Variants in RCAN2 observed in about 807,000 individuals in gnomAD.
RCAN2 encodes calcipressin-2.
In RCAN2, 9 loss-of-function variants were observed where a neutral mutation model predicts 23.6. That is an observed-to-expected ratio of 0.38 (90% CI 0.23 to 0.67). The LOEUF (loss-of-function observed/expected upper bound fraction) is 0.67. RCAN2 is among the 30% of genes least tolerant of loss of function. The pLI is 0.51. For missense variants in RCAN2, 273 were observed against 302.3 expected, an observed-to-expected ratio of 0.90 and a Z score of 0.72; for synonymous variants, 109 against 115.7, an observed-to-expected ratio of 0.94 and a Z score of 0.37.
At chr6:46,358,781 A>G (rs1434786332) in intron 2 of RCAN2, among the ~76,000 whole-genome samples, 1 of 152,084 alleles carries the variant, frequency 6.6e-6, no homozygotes, top group Non-Finnish European at 1.5e-5. Context: ...GTACTTTAGA[A>G]TCACCTGGGA....
intron 2 of RCAN2, among the ~76,000 whole-genome samples, chr6:46,448,552 T>C (rs1561910171): frequency 6.6e-6 from 1 of 151,900 alleles, no homozygotes; most frequent in East Asian, 1.9e-4. Flanking sequence ...CCAATATCCC[T>C]AATGAACACA....
In RCAN2 at chr6:46,221,662, A is replaced by C; in HGVS notation, c.*1479T>G. On this transcript the variant is annotated 3_prime_UTR_variant, in exon 5 of 5. Coordinates refer to ENST00000371374, the MANE Select transcript of RCAN2 (RefSeq NM_001251974.2). ...TAAGTTTCTGATGAAACTAACATAC[A>C]CCTTAGTCAAAAACCACAACAATCC... 2.9e-6 allele frequency: 1 copy of C among 349,248 alleles called. No homozygotes were observed. The highest frequency in any genetic ancestry group is 5.1e-6 in the Non-Finnish European group (1 of 194,954). 21.6% of individuals were successfully genotyped at this position (349,248 alleles called of 1,614,324 possible). A position where few individuals can be genotyped will look rare whatever the true frequency, so the allele number is the denominator to read the frequency against.
chr6:46,222,943 G>T lies in RCAN2; in HGVS notation c.*198C>A, dbSNP rs2150300892. 1.7e-6 allele frequency: 1 copy of T among 596,096 alleles called. No individual in the cohort carries two copies. The highest frequency in any genetic ancestry group is 2.9e-5 in the East Asian group (1 of 34,728). The allele number at this position is 596,096 out of a possible 1,614,324, so 36.9% of individuals were successfully genotyped here. A position where few individuals can be genotyped will look rare whatever the true frequency, so the allele number is the denominator to read the frequency against. Reference sequence around the variant, plus strand: ...TTTCCCTAGAACCTTCTAAATAATGGGTTATACTTAATGGGTATGATATGA... The same window carrying T: ...TTTCCCTAGAACCTTCTAAATAATGTGTTATACTTAATGGGTATGATATGA... On this transcript the variant is annotated 3_prime_UTR_variant, in exon 5 of 5. Coordinates refer to ENST00000371374, the MANE Select transcript of RCAN2 (RefSeq NM_001251974.2).
intron 2 of RCAN2, among the ~76,000 whole-genome samples, chr6:46,400,913 T>C (rs777352785): frequency 6.6e-6 from 1 of 152,186 alleles, no homozygotes; most frequent in Non-Finnish European, 1.5e-5. Flanking sequence ...GAGAAACACC[T>C]GGGATAGTTG....
At chr6:46,344,393 A>G (rs565454212) in intron 2 of RCAN2, among the ~76,000 whole-genome samples, 1 of 152,278 alleles carries the variant, frequency 6.6e-6, no homozygotes, top group African/African-American at 2.4e-5. Context: ...TTGGTAAGGA[A>G]GGGAAGAAGA....
At position 46,360,512 on chromosome 6, in the gene RCAN2, C is replaced by T. The variant is rs1202257169; in HGVS notation, c.225+96240G>A. 1.5e-4 allele frequency among the ~76,000 whole-genome samples: 17 copies of T among 114,184 alleles called. 1 individual carries two copies. The South Asian group carries it at 2.7e-3, about 18-fold the overall frequency. The allele number at this position is 114,184 out of a possible 152,430, so 74.9% of individuals were successfully genotyped here. ...TCGTGCCACTACACTCCAGCCTGGG[C>T]GACAGAGCAAGACTCCGTCTCAAAA... On this transcript the variant is annotated intron_variant, in intron 2 of 4. Coordinates refer to ENST00000371374, the MANE Select transcript of RCAN2 (RefSeq NM_001251974.2).
At chr6:46,404,754 C>T (rs1766349839) in intron 2 of RCAN2, among the ~76,000 whole-genome samples, 1 of 152,110 alleles carries the variant, frequency 6.6e-6, no homozygotes. Context: ...AGGTCAGAGT[C>T]CAGGAAATCT....
intron 2 of RCAN2, among the ~76,000 whole-genome samples, chr6:46,395,289 C>G (rs1481018235): frequency 6.6e-6 from 1 of 152,028 alleles, no homozygotes; most frequent in Non-Finnish European, 1.5e-5. Context: ...AAGATGCAAG[C>G]TGAGTCCTGG....
intron 1 of RCAN2, among the ~76,000 whole-genome samples, chr6:46,486,798 C>A (rs953572965): frequency 3.3e-5 from 5 of 152,064 alleles, no homozygotes; most frequent in Non-Finnish European, 7.4e-5. Flanking sequence ...AAAATATTTT[C>A]TGTGGGCATT....
At chr6:46,355,636 A>G (rs1475142921) in intron 2 of RCAN2, among the ~76,000 whole-genome samples, 1 of 152,154 alleles carries the variant, frequency 6.6e-6, no homozygotes, top group African/African-American at 2.4e-5. Context: ...CAGTGTCACA[A>G]AGTGGCCAGT....
At chr6:46,388,965 A>C (rs1395547517) in intron 2 of RCAN2, among the ~76,000 whole-genome samples, 2 of 152,306 alleles carry the variant, frequency 1.3e-5, no homozygotes, top group East Asian at 3.9e-4. Context: ...AAGTAAAATA[A>C]AACTTTTAAA....
chr6:46,461,590 T>A (rs916545909), intron 1 of RCAN2, among the ~76,000 whole-genome samples: 1 of 151,668 alleles, frequency 6.6e-6, no homozygotes, highest in Non-Finnish European at 1.5e-5. Flanking sequence ...TTTTCTTTTT[T>A]TTTTTTTCTT....
chr6:46,270,756 G>T (rs1732116630), intron 2 of RCAN2, among the ~76,000 whole-genome samples: 1 of 152,212 alleles, frequency 6.6e-6, no homozygotes, highest in Admixed American at 6.5e-5. Flanking sequence ...GCAAGCTGCT[G>T]TGGTGTGAGT....
chr6:46,401,766 T>C (rs1278157194), intron 2 of RCAN2, among the ~76,000 whole-genome samples: 5 of 152,122 alleles, frequency 3.3e-5, no homozygotes, highest in South Asian at 4.1e-4. Context: ...GATATAGTAA[T>C]AGTAAAAGCA....
chr6:46,437,921 C>T (rs1767420112), intron 2 of RCAN2, among the ~76,000 whole-genome samples: 1 of 152,198 alleles, frequency 6.6e-6, no homozygotes, highest in African/African-American at 2.4e-5. Flanking sequence ...AATAAGCAAG[C>T]TCACAGGTCA....
chr6:46,488,181 T>C (rs138869426), intron 1 of RCAN2, among the ~76,000 whole-genome samples: 1 of 152,350 alleles, frequency 6.6e-6, no homozygotes, highest in African/African-American at 2.4e-5. Context: ...TTAATTCACA[T>C]TGGTAATTCA....
intron 2 of RCAN2, among the ~76,000 whole-genome samples, chr6:46,344,914 G>A (rs1314866551): frequency 6.6e-6 from 1 of 151,714 alleles, no homozygotes; most frequent in African/African-American, 2.4e-5. Context: ...ATTAAAATGT[G>A]GAAATGAACA....
In RCAN2 at chr6:46,298,365, G is replaced by A. The variant is rs114336326; in HGVS notation, c.226-49469C>T. Reference sequence around the variant, plus strand: ...TGTCAATGCTCAAAATAAAACTAATGTTGGGCTGGGGGTAGTGGTGAGGGC... The same window carrying A: ...TGTCAATGCTCAAAATAAAACTAATATTGGGCTGGGGGTAGTGGTGAGGGC... On this transcript the variant is annotated intron_variant, in intron 2 of 4. Coordinates refer to ENST00000371374, the MANE Select transcript of RCAN2 (RefSeq NM_001251974.2). 5.5e-3 allele frequency among the ~76,000 whole-genome samples: 831 copies of A among 152,124 alleles called. 5 individuals carry two copies. Among genetic ancestry groups the A allele is most frequent in the African/African-American group, 0.018 (766 of 41,522 alleles).
chr6:46,425,643 T>C (rs1010912054), intron 2 of RCAN2, among the ~76,000 whole-genome samples: 3 of 152,204 alleles, frequency 2.0e-5, no homozygotes, highest in Non-Finnish European at 4.4e-5. Context: ...AAAATTAAAT[T>C]ACAGTTTGGA....
Sources: allele counts gnomAD v4.1 joint callset (sites outside exome capture counted in the v4.1 genomes callset), GRCh38; gene constraint gnomAD v4.1.1; transcripts MANE v1.5; gene names NCBI Gene and HGNC (gene_info 2026-07-23, HGNC 2026-07-21).